DRC8: variants seen among roughly 807,000 people sequenced by gnomAD.
The protein encoded by DRC8 is dynein regulatory complex protein 8.
the DRC8 span, among the ~76,000 whole-genome samples, chr1:245,039,159 G>T: frequency 1.1e-4 from 16 of 148,634 alleles, no homozygotes; most frequent in African/African-American, 4.0e-4. Flanking sequence ...CGAATGAATG[G>T]ATAAGGAAAA....
the DRC8 span, among the ~76,000 whole-genome samples, chr1:245,035,726 G>A: frequency 6.6e-6 from 1 of 152,012 alleles, no homozygotes; most frequent in Admixed American, 6.6e-5. Flanking sequence ...AATTAGCTGG[G>A]CACGGTGGTA....
At chr1:245,060,171 A>G in the DRC8 span, among the ~76,000 whole-genome samples, 1 of 152,202 alleles carries the variant, frequency 6.6e-6, no homozygotes, top group Non-Finnish European at 1.5e-5. Flanking sequence ...AGGAGGTGGA[A>G]TTTTATCTCT....
chr1:245,076,473 A>G, the DRC8 span, among the ~76,000 whole-genome samples: 4 of 152,204 alleles, frequency 2.6e-5, no homozygotes, highest in Admixed American at 2.6e-4. Context: ...TACTTTTCAT[A>G]CCTAGTACTG....
chr1:245,017,746 A>G, the DRC8 span, among the ~76,000 whole-genome samples: 8 of 152,104 alleles, frequency 5.3e-5, no homozygotes, highest in African/African-American at 1.9e-4. Context: ...GCGATGACAC[A>G]CTCCCCCTGT....
chr1:245,114,032 T>C, the DRC8 span, among the ~76,000 whole-genome samples: 4 of 152,144 alleles, frequency 2.6e-5, no homozygotes, highest in South Asian at 2.1e-4. Context: ...TTCACAGAAG[T>C]GAAAAGGAAA....
At chr1:244,986,666 C>T in the DRC8 span, among the ~76,000 whole-genome samples, 14 of 149,942 alleles carry the variant, frequency 9.3e-5, no homozygotes, top group South Asian at 1.3e-3. Context: ...CCTAGAAGTT[C>T]GAGGATGCAG....
chr1:245,094,321 G>A, the DRC8 span, among the ~76,000 whole-genome samples: 2 of 152,102 alleles, frequency 1.3e-5, no homozygotes. Flanking sequence ...TTCAATTCGA[G>A]GTTACTTTTT....
At chr1:245,022,766 T>C in the DRC8 span, among the ~76,000 whole-genome samples, 11 of 152,108 alleles carry the variant, frequency 7.2e-5, no homozygotes, top group Admixed American at 7.2e-4. Context: ...TGGTAAAATA[T>C]AGATAACCTA....
the DRC8 span, among the ~76,000 whole-genome samples, chr1:245,016,117 G>A: frequency 6.6e-6 from 1 of 151,910 alleles, no homozygotes; most frequent in African/African-American, 2.4e-5. Context: ...AACTTGCTGG[G>A]ATTACAGTTA....
the DRC8 span, among the ~76,000 whole-genome samples, chr1:245,116,298 G>A: frequency 6.6e-6 from 1 of 152,144 alleles, no homozygotes; most frequent in Non-Finnish European, 1.5e-5. Flanking sequence ...CTGCTTGGGA[G>A]GATCGCTTGA....
chr1:245,105,629 A>AC, the DRC8 span, among the ~76,000 whole-genome samples: 2 of 150,792 alleles, frequency 1.3e-5, no homozygotes, highest in Non-Finnish European at 3.0e-5. Flanking sequence ...TCTCAAAAAA[A>AC]AAAAAAAAAC....
At chr1:245,014,031 C>CAAAAAA in the DRC8 span, among the ~76,000 whole-genome samples, 6 of 93,130 alleles carry the variant, frequency 6.4e-5, no homozygotes, top group East Asian at 2.0e-3. Context: ...GACTCCATCT[C>CAAAAAA]AAAAAAAAAA....
the DRC8 span, among the ~76,000 whole-genome samples, chr1:245,014,482 TTATAA>T: frequency 6.6e-6 from 1 of 152,194 alleles, no homozygotes; most frequent in African/African-American, 2.4e-5. Context: ...TATTGCTGTG[TTATAA>T]TAAAGAAAAA....
At chr1:245,008,314 T>A in the DRC8 span, among the ~76,000 whole-genome samples, 3,591 of 152,284 alleles carry the variant, frequency 0.024, 158 homozygotes, top group African/African-American at 0.082. Context: ...AAAATTTTGT[T>A]ATGTATTTCA....
chr1:245,001,770 C>T, the DRC8 span, among the ~76,000 whole-genome samples: 1 of 152,206 alleles, frequency 6.6e-6, no homozygotes, highest in African/African-American at 2.4e-5. Flanking sequence ...AGACTGCTGT[C>T]TTGACTGAGT....
chr1:245,007,254 G>A, the DRC8 span, among the ~76,000 whole-genome samples: 1 of 152,136 alleles, frequency 6.6e-6, no homozygotes, highest in African/African-American at 2.4e-5. Flanking sequence ...TGTGTGGGGA[G>A]GGGTGGGGAA....
the DRC8 span, among the ~76,000 whole-genome samples, chr1:245,041,876 A>AG: frequency 5.1e-3 from 782 of 152,224 alleles, 4 homozygotes; most frequent in African/African-American, 0.018. Flanking sequence ...AAATTGAGGA[A>AG]GGCCCCAGAA....
At chr1:244,985,316 T>G in the DRC8 span, among the ~76,000 whole-genome samples, 1 of 152,372 alleles carries the variant, frequency 6.6e-6, no homozygotes, top group East Asian at 1.9e-4. Context: ...GCTTTGCCAC[T>G]TTAGAGCTGG....
the DRC8 span, among the ~76,000 whole-genome samples, chr1:244,973,893 TTTTTC>T: frequency 6.6e-6 from 1 of 152,222 alleles, no homozygotes; most frequent in African/African-American, 2.4e-5. Flanking sequence ...TCATAAAATT[TTTTTC>T]TAAGATTATG....
Sources: gnomAD v4.1 joint callset for allele counts (sites outside exome capture counted in the v4.1 genomes callset) on GRCh38, gnomAD v4.1.1 for gene constraint, MANE v1.5 for transcripts, NCBI Gene and HGNC (gene_info 2026-07-23, HGNC 2026-07-21) for gene names.